Variants in NCOA2 observed in about 807,000 individuals in gnomAD.
NCOA2 encodes nuclear receptor coactivator 2.
In NCOA2, 21 loss-of-function variants were observed where a neutral mutation model predicts 145.1. The observed-to-expected ratio is 0.14, with a 90% CI of 0.10 to 0.21. NCOA2 has a LOEUF of 0.21. Ranked by LOEUF, NCOA2 falls within the 10% of genes least tolerant of loss-of-function variation. The probability of loss-of-function intolerance (pLI) is 1.00; values close to 1 mark genes in which losing one functional copy is unlikely to be tolerated. For synonymous variants in NCOA2, 619 were observed against 637.5 expected (o/e 0.97, Z 0.44); for missense variants, 1,472 against 1,837.6 (o/e 0.80, Z 3.64).
chr8:70,124,898 A>G, intron 19 of NCOA2, 33 bp from the exon 20 acceptor site: 2 of 1,544,794 alleles, frequency 1.3e-6, no homozygotes, highest in East Asian at 2.3e-5. Flanking sequence ...GAAATCCAAA[A>G]GAGACTGTTA....
intron 1 of NCOA2, among the ~76,000 whole-genome samples, chr8:70,382,576 A>G (rs1812302326): frequency 6.6e-6 from 1 of 152,236 alleles, no homozygotes; most frequent in Non-Finnish European, 1.5e-5. Context: ...ATTGTTGTTC[A>G]GGAATTCCAG....
intron 1 of NCOA2, among the ~76,000 whole-genome samples, chr8:70,333,839 TG>T (rs1358252199): frequency 6.6e-6 from 1 of 152,234 alleles, no homozygotes; most frequent in Non-Finnish European, 1.5e-5. Flanking sequence ...TGGGTAACAC[TG>T]GCCAGTTAAT....
the NCOA2 span, among the ~76,000 whole-genome samples, chr8:70,440,808 A>G: frequency 1.3e-5 from 2 of 151,610 alleles, no homozygotes; most frequent in Admixed American, 6.6e-5. Context: ...AAATAAAGAC[A>G]AGAAAGGAAA....
intron 1 of NCOA2, among the ~76,000 whole-genome samples, chr8:70,305,280 C>A (rs1251675729): frequency 6.6e-6 from 1 of 151,986 alleles, no homozygotes; most frequent in African/African-American, 2.4e-5. Flanking sequence ...GAGGAACCAG[C>A]ACAAACTTGC....
chr8:70,176,008 G>A (rs1471021459), intron 4 of NCOA2, among the ~76,000 whole-genome samples: 2 of 152,120 alleles, frequency 1.3e-5, no homozygotes, highest in Non-Finnish European at 2.9e-5. Flanking sequence ...AGCTTTCACA[G>A]AGGGGAGGAT....
chr8:70,335,272 A>T (rs891269414), intron 1 of NCOA2, among the ~76,000 whole-genome samples: 1 of 151,884 alleles, frequency 6.6e-6, no homozygotes, highest in Non-Finnish European at 1.5e-5. Flanking sequence ...AACTTCCACA[A>T]CAGGCCTTTT....
chr8:70,224,085 G>A (rs572630662), intron 2 of NCOA2, among the ~76,000 whole-genome samples: 3 of 152,278 alleles, frequency 2.0e-5, no homozygotes, highest in Admixed American at 2.0e-4. Flanking sequence ...GCAGACACTG[G>A]AGAGAAAGTC....
intron 2 of NCOA2, among the ~76,000 whole-genome samples, chr8:70,223,972 A>G (rs372555743): frequency 6.6e-6 from 1 of 152,254 alleles, no homozygotes; most frequent in African/African-American, 2.4e-5. Flanking sequence ...TCTTAAAAAC[A>G]GTATCACTGT....
chr8:70,327,893 C>G (rs933163738), intron 1 of NCOA2, among the ~76,000 whole-genome samples: 2 of 152,174 alleles, frequency 1.3e-5, no homozygotes, highest in African/African-American at 4.8e-5. Flanking sequence ...AGCATTTTAA[C>G]GAACCAGCTA....
chr8:70,446,969 G>C, the NCOA2 span, among the ~76,000 whole-genome samples: 1 of 151,982 alleles, frequency 6.6e-6, no homozygotes, highest in Non-Finnish European at 1.5e-5. Flanking sequence ...AAATGTTTTC[G>C]CTAAAATCAC....
chr8:70,354,173 T>C (rs955076116), intron 1 of NCOA2, among the ~76,000 whole-genome samples: 4 of 152,224 alleles, frequency 2.6e-5, no homozygotes, highest in South Asian at 4.1e-4. Context: ...GTCATTCTTA[T>C]CTTTTCTTAT....
At chr8:70,373,379 C>G (rs1045802108) in intron 1 of NCOA2, among the ~76,000 whole-genome samples, 1 of 152,122 alleles carries the variant, frequency 6.6e-6, no homozygotes, top group African/African-American at 2.4e-5. Flanking sequence ...TGTGAAGCAT[C>G]TGTCCAAGTC....
At chr8:70,202,554 C>A (rs1328179131) in intron 4 of NCOA2, among the ~76,000 whole-genome samples, 1 of 152,072 alleles carries the variant, frequency 6.6e-6, no homozygotes, top group African/African-American at 2.4e-5. Flanking sequence ...AATGGATGAA[C>A]CTTGAGGACA....
At chr8:70,244,501 C>CA (rs1444617531) in intron 2 of NCOA2, among the ~76,000 whole-genome samples, 6 of 151,738 alleles carry the variant, frequency 4.0e-5, no homozygotes, top group South Asian at 2.1e-4. Context: ...ATAACAACAA[C>CA]AAAAAAATCA....
Position 70,113,445 on chromosome 8 carries a change from G to C in NCOA2, c.*187C>G. On this transcript the variant is annotated 3_prime_UTR_variant, in exon 23 of 23. Transcript: ENST00000452400. ...GGATGCGAGCTTCAGACTGTCAAGAGAAGAGGCAGCTCCTCCTGCCACAGC... is the reference window on the plus strand; with the variant it reads ...GGATGCGAGCTTCAGACTGTCAAGACAAGAGGCAGCTCCTCCTGCCACAGC... 1.6e-6 allele frequency: 1 copy of C among 621,356 alleles called. No individual in the cohort carries two copies. Among genetic ancestry groups the C allele is most frequent in the Non-Finnish European group, 2.9e-6 (1 of 350,306 alleles). The allele number at this position is 621,356 out of a possible 1,614,324, so 38.5% of individuals were successfully genotyped here. A position where few individuals can be genotyped will look rare whatever the true frequency, so the allele number is the denominator to read the frequency against.
At chr8:70,164,931 C>G (rs1458646496) in intron 7 of NCOA2, among the ~76,000 whole-genome samples, 1 of 152,000 alleles carries the variant, frequency 6.6e-6, no homozygotes, top group African/African-American at 2.4e-5. Flanking sequence ...GATCAAAGCA[C>G]AAAGTTTAAG....
intron 2 of NCOA2, among the ~76,000 whole-genome samples, chr8:70,249,669 A>G (rs1393666357): frequency 1.3e-5 from 2 of 152,154 alleles, no homozygotes; most frequent in African/African-American, 4.8e-5. Flanking sequence ...GTATCTGTAT[A>G]TCAAAACTGT....
intron 4 of NCOA2, among the ~76,000 whole-genome samples, chr8:70,207,711 A>G (rs1307539477): frequency 6.6e-6 from 1 of 151,904 alleles, no homozygotes; most frequent in Non-Finnish European, 1.5e-5. Flanking sequence ...TAAAAATACA[A>G]AAATTAGCCA....
At chr8:70,125,544 T>C (rs1010085133) in intron 19 of NCOA2, among the ~76,000 whole-genome samples, 23 of 152,300 alleles carry the variant, frequency 1.5e-4, no homozygotes, top group African/African-American at 3.6e-4. Context: ...GCATGAGCCA[T>C]TGCACCTGGC....
Sources: allele counts gnomAD v4.1 joint callset (sites outside exome capture counted in the v4.1 genomes callset), GRCh38; gene constraint gnomAD v4.1.1; transcripts MANE v1.5; gene names NCBI Gene and HGNC (gene_info 2026-07-23, HGNC 2026-07-21).